The following SKIC2 variants were observed in gnomAD, a reference collection of about 807,000 sequenced individuals.
SKIC2 encodes superkiller complex protein 2.
At chr6:31,963,650 G>A in the SKIC2 span, 4 of 1,550,810 alleles carry the variant, frequency 2.6e-6, no homozygotes, top group African/African-American at 1.4e-5. The surrounding 1 kb of genome is among the most constrained non-coding windows in gnomAD (Gnocchi z 5.3). Context: ...CTATGCAGCT[G>A]TGGAGGCCAA....
At chr6:31,964,842 G>T in the SKIC2 span, among the ~76,000 whole-genome samples, 4 of 152,156 alleles carry the variant, frequency 2.6e-5, no homozygotes, top group South Asian at 6.2e-4. The surrounding 1 kb of genome is among the most constrained non-coding windows in gnomAD (Gnocchi z 5.0). Context: ...TATATTGGCC[G>T]GGCATGGTGG....
the SKIC2 span, chr6:31,968,494 A>G: frequency 1.2e-6 from 2 of 1,612,822 alleles, no homozygotes; most frequent in African/African-American, 2.7e-5. The surrounding 1 kb of genome is among the most constrained non-coding windows in gnomAD (Gnocchi z 6.1). Flanking sequence ...GGAGGAGCTG[A>G]TCCAGGGGGC....
At chr6:31,963,313 A>G in the SKIC2 span, 1 of 1,192,438 alleles carries the variant, frequency 8.4e-7, no homozygotes, top group Non-Finnish European at 1.2e-6. This position sits in a 1 kb window ranked among gnomAD's most constrained non-coding sequence, Gnocchi z 5.3. Flanking sequence ...TCTGGGTCTC[A>G]GAAAAGACTG....
the SKIC2 span, chr6:31,959,209 G>A: frequency 6.2e-7 from 1 of 1,609,042 alleles, no homozygotes; most frequent in Non-Finnish European, 8.5e-7. Context: ...GAGACAGAGC[G>A]ACTTGGTGAG....
the SKIC2 span, chr6:31,969,419 T>TG: frequency 6.8e-6 from 11 of 1,614,160 alleles, no homozygotes; most frequent in Non-Finnish European, 9.3e-6. This position sits in a 1 kb window ranked among gnomAD's most constrained non-coding sequence, Gnocchi z 6.1. Flanking sequence ...GCCCGGGGCA[T>TG]GGTGAGTACC....
the SKIC2 span, chr6:31,968,127 G>A: frequency 3.7e-6 from 6 of 1,609,962 alleles, no homozygotes; most frequent in Non-Finnish European, 5.1e-6. This position sits in a 1 kb window ranked among gnomAD's most constrained non-coding sequence, Gnocchi z 6.1. Context: ...GGGGCACGTA[G>A]AGGCAGGGAG....
chr6:31,963,753 T>C, the SKIC2 span: 3 of 1,536,646 alleles, frequency 2.0e-6, no homozygotes, highest in East Asian at 6.8e-5. This position sits in a 1 kb window ranked among gnomAD's most constrained non-coding sequence, Gnocchi z 5.3. Flanking sequence ...GGGAGGGTTT[T>C]GTACCTGCCA....
chr6:31,967,793 A>G, the SKIC2 span: 6 of 1,612,642 alleles, frequency 3.7e-6, no homozygotes, highest in African/African-American at 2.7e-5. This position sits in a 1 kb window ranked among gnomAD's most constrained non-coding sequence, Gnocchi z 4.9. Flanking sequence ...CCCACAGGAC[A>G]GGGGGCCAGC....
the SKIC2 span, chr6:31,967,376 A>C: frequency 1.2e-6 from 2 of 1,607,606 alleles, no homozygotes; most frequent in African/African-American, 2.7e-5. The surrounding 1 kb of genome is among the most constrained non-coding windows in gnomAD (Gnocchi z 4.9). Flanking sequence ...GTGATCCTAC[A>C]GGTGAGGGTG....
At chr6:31,963,515 G>C in the SKIC2 span, 7 of 1,605,718 alleles carry the variant, frequency 4.4e-6, no homozygotes, top group South Asian at 7.8e-5. This position sits in a 1 kb window ranked among gnomAD's most constrained non-coding sequence, Gnocchi z 5.3. Context: ...CCCAGGGGGA[G>C]CTCTTTTTGT....
At chr6:31,963,691 C>G in the SKIC2 span, 9 of 1,555,512 alleles carry the variant, frequency 5.8e-6, no homozygotes, top group African/African-American at 1.1e-4. The surrounding 1 kb of genome is among the most constrained non-coding windows in gnomAD (Gnocchi z 5.3). Context: ...ACGCCCAGAC[C>G]TTTGGGGCCA....
At chr6:31,961,835 T>C in the SKIC2 span, 1 of 1,586,098 alleles carries the variant, frequency 6.3e-7, no homozygotes, top group South Asian at 1.1e-5. Context: ...CCGCCCGCCC[T>C]GCGTGCTCCA....
At chr6:31,965,461 T>G in the SKIC2 span, among the ~76,000 whole-genome samples, 2,773 of 152,236 alleles carry the variant, frequency 0.018, 37 homozygotes, top group Non-Finnish European at 0.025. The surrounding 1 kb of genome is among the most constrained non-coding windows in gnomAD (Gnocchi z 5.6). Flanking sequence ...AATTATAAAC[T>G]ACAAGCTCAC....
chr6:31,969,029 T>C, the SKIC2 span: 2 of 1,612,628 alleles, frequency 1.2e-6, no homozygotes, highest in Non-Finnish European at 1.7e-6. The surrounding 1 kb of genome is among the most constrained non-coding windows in gnomAD (Gnocchi z 6.1). Context: ...CCTTGCTCTC[T>C]GGCCTGGTCT....
chr6:31,967,703 G>C, the SKIC2 span: 169 of 1,612,430 alleles, frequency 1.0e-4, 2 homozygotes, highest in South Asian at 1.5e-3. This position sits in a 1 kb window ranked among gnomAD's most constrained non-coding sequence, Gnocchi z 4.9. Flanking sequence ...TGGCCTCTCT[G>C]ACCACCCCCA....
the SKIC2 span, chr6:31,966,826 C>G: frequency 1.2e-6 from 2 of 1,614,022 alleles, no homozygotes; most frequent in African/African-American, 1.3e-5. The surrounding 1 kb of genome is among the most constrained non-coding windows in gnomAD (Gnocchi z 5.9). Flanking sequence ...CTCTGAGTTT[C>G]CCTCCCGCAA....
At chr6:31,961,265 G>A in the SKIC2 span, 4 of 1,611,810 alleles carry the variant, frequency 2.5e-6, no homozygotes, top group Non-Finnish European at 3.4e-6. Context: ...TTGGGTGGGG[G>A]TGACGAGGAT....
At chr6:31,959,840 A>G in the SKIC2 span, 1 of 607,032 alleles carries the variant, frequency 1.6e-6, no homozygotes, top group Non-Finnish European at 2.9e-6. Flanking sequence ...TCTGAAATCC[A>G]AAATCTGCCC....
the SKIC2 span, among the ~76,000 whole-genome samples, chr6:31,966,303 G>A: frequency 4.6e-4 from 70 of 150,694 alleles, no homozygotes; most frequent in Non-Finnish European, 4.6e-4. This position sits in a 1 kb window ranked among gnomAD's most constrained non-coding sequence, Gnocchi z 5.9. Flanking sequence ...ATGAGGTTTT[G>A]CTATGTTGCA....
Sources: allele counts gnomAD v4.1 joint callset (sites outside exome capture counted in the v4.1 genomes callset), GRCh38; gene constraint gnomAD v4.1.1; non-coding constraint Gnocchi (gnomAD v3.1); transcripts MANE v1.5; gene names NCBI Gene and HGNC (gene_info 2026-07-23, HGNC 2026-07-21).